The following AKAP6 variants were observed in gnomAD, a reference collection of about 807,000 sequenced individuals.
AKAP6 encodes the protein A-kinase anchor protein 6.
Under a neutral mutation model 188.5 loss-of-function variants are expected in AKAP6, and 58 were observed. The ratio of observed to expected loss-of-function variants is 0.31; its 90% CI spans 0.25 to 0.38. The LOEUF is 0.38. Among genes scored for constraint, AKAP6 ranks in the 10% least tolerant of loss-of-function variants. The pLI, the probability that AKAP6 is intolerant of heterozygous loss-of-function variation, is 1.00. For missense variants in AKAP6, 2,710 were observed against 2,740.0 expected, an observed-to-expected ratio of 0.99 and a Z score of 0.24; for synonymous variants, 989 against 998.6, an observed-to-expected ratio of 0.99 and a Z score of 0.18.
intron 3 of AKAP6, among the ~76,000 whole-genome samples, chr14:32,542,254 A>G (rs1159775472): frequency 6.6e-6 from 1 of 152,318 alleles, no homozygotes; most frequent in Middle Eastern, 3.4e-3. Flanking sequence ...AACTAAAACT[A>G]TGTAATCAGA....
At chr14:32,461,216 A>G (rs1011797796) in intron 2 of AKAP6, among the ~76,000 whole-genome samples, 65 of 152,308 alleles carry the variant, frequency 4.3e-4, no homozygotes, top group African/African-American at 1.5e-3. Context: ...AGCACAGCCC[A>G]CCATCTCTGC....
chr14:32,589,389 C>T (rs796782814), intron 5 of AKAP6, among the ~76,000 whole-genome samples: 6 of 152,266 alleles, frequency 3.9e-5, no homozygotes, highest in African/African-American at 1.4e-4. Flanking sequence ...GAGTTTCTTC[C>T]TTTGGTGGCA....
At position 32,831,570 on chromosome 14, in the gene AKAP6, C is replaced by G. The variant is rs951024091; in HGVS notation, c.*1765C>G. ...TATCTGCAAGGCACTATTCTAGATC[C>G]AGAAGATGCAATGTTGAACAAACAG... On this transcript the variant is annotated 3_prime_UTR_variant, in exon 14 of 14. Transcript: ENST00000280979. 3 of 152,128 alleles carry G rather than the reference C, an allele frequency of 2.0e-5. No homozygotes were observed. Among genetic ancestry groups the G allele is most frequent in the African/African-American group, 7.2e-5 (3 of 41,414 alleles). 9.4% of individuals were successfully genotyped at this position (152,128 alleles called of 1,614,324 possible).
chr14:32,670,798 A>G (rs1339264391), intron 7 of AKAP6, among the ~76,000 whole-genome samples: 3 of 152,172 alleles, frequency 2.0e-5, no homozygotes, highest in Admixed American at 2.0e-4. Flanking sequence ...CTGTCAAAGA[A>G]AAAAGTCTCC....
intron 11 of AKAP6, among the ~76,000 whole-genome samples, chr14:32,764,133 A>G (rs572782321): frequency 1.3e-5 from 2 of 152,280 alleles, no homozygotes; most frequent in African/African-American, 4.8e-5. Context: ...TATAATTTAC[A>G]TCTTCCTCAG....
At position 32,822,618 on chromosome 14, in the gene AKAP6, C is replaced by T; in HGVS notation, c.4805C>T (p.Ser1602Phe). 6.2e-7 allele frequency: 1 copy of T among 1,613,968 alleles called. No individual in the cohort carries two copies. Among genetic ancestry groups the T allele is most frequent in the Non-Finnish European group, 8.5e-7 (1 of 1,179,962 alleles). Residue 1602 changes from serine (S) to phenylalanine (F), a missense_variant, in exon 13 of 14, where the codon TCC becomes TTC. Physicochemically the swap from Ser to Phe is radical, Grantham distance 155 (BLOSUM62 -2). Coordinates refer to ENST00000280979, the MANE Select transcript of AKAP6 (RefSeq NM_004274.5). ...RSTSLESWLT[S>F]YKSNEDLFSC... ...ACTTCTTTAGAAAGTTGGTTGACTTCCTATAAAAGCAATGAAGATCTCTTT... is the reference window on the plus strand; with the variant it reads ...ACTTCTTTAGAAAGTTGGTTGACTTTCTATAAAAGCAATGAAGATCTCTTT...
intron 1 of AKAP6, among the ~76,000 whole-genome samples, chr14:32,354,676 T>A (rs1481864225): frequency 6.6e-6 from 1 of 152,230 alleles, no homozygotes; most frequent in Non-Finnish European, 1.5e-5. Flanking sequence ...GTTATTCTAT[T>A]TTTCTTTCTC....
intron 1 of AKAP6, among the ~76,000 whole-genome samples, chr14:32,388,758 GT>G (rs1385333436): frequency 6.6e-6 from 1 of 152,034 alleles, no homozygotes; most frequent in African/African-American, 2.4e-5. Flanking sequence ...ATTGAGGCTT[GT>G]TTTGTGACCT....
chr14:32,358,845 C>T (rs1215793015), intron 1 of AKAP6, among the ~76,000 whole-genome samples: 1 of 152,132 alleles, frequency 6.6e-6, no homozygotes, highest in Non-Finnish European at 1.5e-5. Flanking sequence ...CAATATTAAG[C>T]AGATATGGTA....
At chr14:32,574,161 C>T (rs546800781) in intron 4 of AKAP6, among the ~76,000 whole-genome samples, 3 of 152,190 alleles carry the variant, frequency 2.0e-5, no homozygotes, top group Non-Finnish European at 2.9e-5. Flanking sequence ...ATTATAAGTT[C>T]GGAACACTGG....
rs113474930 is a variant in AKAP6, at chr14:32,821,415, T to C, written c.3602T>C (p.Val1201Ala). ...TCTCTCACACAGGAGACTTTGAATG[T>C]GATTGATCCTGGCTTGATGGACCTA... Reference protein sequence around the residue: ...KMGKESETLNVIDPGLMDLNG... With the variant: ...KMGKESETLNAIDPGLMDLNG... Residue 1201 changes from valine (V) to alanine (A), a missense_variant, in exon 13 of 14, where the codon GTG becomes GCG. By Grantham distance (64) the Val-to-Ala change is moderately conservative. Transcript: ENST00000280979. The C allele has an allele frequency of 4.6e-5, 74 of 1,604,304 alleles. 1 individual carries two copies. The Admixed American group carries it at 5.3e-4, about 11-fold the overall frequency.
At chr14:32,492,635 AG>A (rs986402651) in intron 2 of AKAP6, among the ~76,000 whole-genome samples, 7 of 152,040 alleles carry the variant, frequency 4.6e-5, no homozygotes, top group Non-Finnish European at 1.0e-4. Context: ...ATCCCTGTGA[AG>A]TACATGTTCC....
intron 11 of AKAP6, among the ~76,000 whole-genome samples, chr14:32,759,687 A>G (rs555974408): frequency 6.6e-6 from 1 of 152,282 alleles, no homozygotes; most frequent in African/African-American, 2.4e-5. Context: ...ATCATAGTGG[A>G]AGGCAAAGGG....
intron 9 of AKAP6, among the ~76,000 whole-genome samples, chr14:32,721,224 T>A (rs376271393): frequency 6.6e-6 from 1 of 152,214 alleles, no homozygotes; most frequent in Non-Finnish European, 1.5e-5. Context: ...AGAAAACCCT[T>A]TGAGATGTGT....
intron 12 of AKAP6, among the ~76,000 whole-genome samples, chr14:32,788,055 AAAAAAAAG>A (rs1169222425): frequency 6.6e-6 from 1 of 151,874 alleles, no homozygotes; most frequent in Non-Finnish European, 1.5e-5. Context: ...AAAAAAAAAA[AAAAAAAAG>A]AAGGTGGGAA....
At position 32,537,280 on chromosome 14, in the gene AKAP6, T is replaced by C. The variant is rs556605571; in HGVS notation, c.576+1475T>C. 1.5e-3 allele frequency among the ~76,000 whole-genome samples: 221 copies of C among 152,350 alleles called. 1 individual carries two copies. Among genetic ancestry groups the C allele is most frequent in the Middle Eastern group, 0.01 (3 of 294 alleles). On this transcript the variant is annotated intron_variant, in intron 3 of 13. Coordinates refer to ENST00000280979, the MANE Select transcript of AKAP6 (RefSeq NM_004274.5). ...TTTCAGTTAGCTCTCCTTGTTACTG[T>C]GGCAGGACTTCAGTAGAGTAACCAC...
chr14:32,687,059 T>G (rs1370608002), intron 8 of AKAP6, among the ~76,000 whole-genome samples: 1 of 152,196 alleles, frequency 6.6e-6, no homozygotes, highest in African/African-American at 2.4e-5. Flanking sequence ...AAATGAACTT[T>G]AAATTAAAAT....
At chr14:32,662,395 A>G (rs896230489) in intron 7 of AKAP6, among the ~76,000 whole-genome samples, 5 of 152,130 alleles carry the variant, frequency 3.3e-5, no homozygotes, top group South Asian at 4.1e-4. Flanking sequence ...ATTTCATTCT[A>G]TCTCAGAACC....
At chr14:32,401,515 G>A (rs1287485655) in intron 1 of AKAP6, among the ~76,000 whole-genome samples, 1 of 152,074 alleles carries the variant, frequency 6.6e-6, no homozygotes, top group Non-Finnish European at 1.5e-5. Context: ...GGAATATGCT[G>A]TAACACTTCA....
Sources: allele counts gnomAD v4.1 joint callset (sites outside exome capture counted in the v4.1 genomes callset), GRCh38; gene constraint gnomAD v4.1.1; transcripts MANE v1.5; gene names NCBI Gene and HGNC (gene_info 2026-07-23, HGNC 2026-07-21).